TMPRSS15: variants seen among roughly 807,000 people sequenced by gnomAD.
The protein encoded by TMPRSS15 is transmembrane serine protease 15.
A neutral mutation model predicts 125.3 loss-of-function variants in TMPRSS15; 128 were observed. That is an observed-to-expected ratio of 1.02 (90% CI 0.89 to 1.18). The LOEUF is 1.18. Ranked by LOEUF, TMPRSS15 falls within the 50% of genes most tolerant of loss-of-function variation. The pLI is 0.00. For missense variants in TMPRSS15, 1,283 were observed against 1,212.7 expected (o/e 1.06, Z -0.86); for synonymous variants, 446 against 423.2 (o/e 1.05, Z -0.66).
intron 7 of TMPRSS15, among the ~76,000 whole-genome samples, chr21:18,362,467 T>C (rs893252244): frequency 1.3e-5 from 2 of 152,066 alleles, no homozygotes; most frequent in Non-Finnish European, 2.9e-5. Context: ...TATTTGGAGG[T>C]AGAAGAGACA....
In TMPRSS15 at chr21:18,387,612, T is replaced by TACACAC. The variant is rs57708622; in HGVS notation, c.345-3840_345-3835dup. On this transcript the variant is annotated intron_variant, in intron 3 of 24. Transcript: ENST00000284885. ...AAGAGTAGCTACACACACACACACA[T>TACACAC]ACACACACACACACACACACACACA... is the stretch of plus-strand genomic sequence containing the variant. 2.4e-4 allele frequency among the ~76,000 whole-genome samples: 35 copies of TACACAC among 145,242 alleles called. 1 individual carries two copies. The highest frequency in any genetic ancestry group is 4.8e-4 in the African/African-American group (19 of 39,690).
At chr21:18,391,745 C>T (rs2075992705) in intron 3 of TMPRSS15, among the ~76,000 whole-genome samples, 1 of 152,222 alleles carries the variant, frequency 6.6e-6, no homozygotes, top group Admixed American at 6.5e-5. Context: ...GCTCTAGCCA[C>T]ACATTTTCCT....
At chr21:18,316,503 A>G (rs1013832052) in intron 16 of TMPRSS15, among the ~76,000 whole-genome samples, 5 of 114,602 alleles carry the variant, frequency 4.4e-5, no homozygotes, top group African/African-American at 1.7e-4. Context: ...GGGTAGTTAC[A>G]AAGAAATGGA....
At chr21:18,423,730 C>T (rs575668331) in intron 1 of TMPRSS15, among the ~76,000 whole-genome samples, 37 of 152,112 alleles carry the variant, frequency 2.4e-4, no homozygotes, top group African/African-American at 8.9e-4. Context: ...ATAAATTCCT[C>T]ATTTGTATTG....
At chr21:18,350,073 CTT>C (rs561689165) in intron 10 of TMPRSS15, among the ~76,000 whole-genome samples, 29 of 151,542 alleles carry the variant, frequency 1.9e-4, no homozygotes, top group African/African-American at 6.6e-4. Context: ...GTGGTAGAAA[CTT>C]TTTTTTAATT....
intron 1 of TMPRSS15, among the ~76,000 whole-genome samples, chr21:18,429,006 G>A (rs1024010164): frequency 6.6e-6 from 1 of 152,168 alleles, no homozygotes; most frequent in African/African-American, 2.4e-5. Context: ...AAAGCCACAG[G>A]ACAGAGCTGC....
chr21:18,322,777 T>A lies in TMPRSS15; in HGVS notation c.1921+3655A>T, dbSNP rs139038709. Among the ~76,000 whole-genome samples, 9 of 151,892 alleles carry A rather than the reference T, an allele frequency of 5.9e-5. No homozygotes were observed. The East Asian group carries it at 1.7e-3, about 29-fold the overall frequency. On this transcript the variant is annotated intron_variant, in intron 16 of 24. Coordinates refer to ENST00000284885, the MANE Select transcript of TMPRSS15 (RefSeq NM_002772.3). Reference sequence around the variant, plus strand: ...GGTTTCAATGGGTACCAAAATAGAGTTACATAGAAGGAATAAGATCTAGTG... The same window carrying A: ...GGTTTCAATGGGTACCAAAATAGAGATACATAGAAGGAATAAGATCTAGTG...
intron 19 of TMPRSS15, among the ~76,000 whole-genome samples, chr21:18,297,068 A>T (rs1264692884): frequency 1.3e-5 from 2 of 152,216 alleles, no homozygotes; most frequent in Non-Finnish European, 2.9e-5. Context: ...CTTTAATGGA[A>T]CTGTAAAATT....
chr21:18,353,129 T>C, intron 9 of TMPRSS15, 77 bp from the exon 10 acceptor site: 6 of 1,291,282 alleles, frequency 4.6e-6, no homozygotes, highest in Non-Finnish European at 6.7e-6. Context: ...GTATTGAAAA[T>C]AATCTAACCT....
intron 1 of TMPRSS15, among the ~76,000 whole-genome samples, chr21:18,400,563 C>A (rs1365710577): frequency 6.6e-6 from 1 of 152,062 alleles, no homozygotes; most frequent in Non-Finnish European, 1.5e-5. Flanking sequence ...TACCTTTCAC[C>A]ATATACAAAA....
intron 21 of TMPRSS15, among the ~76,000 whole-genome samples, chr21:18,281,942 A>G (rs2074703850): frequency 6.6e-6 from 1 of 151,760 alleles, no homozygotes; most frequent in African/African-American, 2.4e-5. Context: ...CTAAAAATAC[A>G]AAAAATCAGC....
At position 18,469,719 on chromosome 21, in the gene TMPRSS15, T is replaced by G. The variant is rs560951719; in HGVS notation, c.10+16080A>C. Among the ~76,000 whole-genome samples the G allele has an allele frequency of 2.6e-5, 4 of 152,234 alleles. No homozygotes were observed. The South Asian group carries it at 8.3e-4, about 32-fold the overall frequency. ...TTATTTTGGGGATCCTCCTGTAAACTGATTTGTAATTTTGTGGGGAAGACA... is the reference window on the plus strand; with the variant it reads ...TTATTTTGGGGATCCTCCTGTAAACGGATTTGTAATTTTGTGGGGAAGACA... On this transcript the variant is annotated intron_variant, in intron 1 of 7. Coordinates refer to the TMPRSS15 transcript ENST00000422787.
chr21:18,338,976 C>G (rs2075421032), intron 13 of TMPRSS15, among the ~76,000 whole-genome samples: 1 of 152,108 alleles, frequency 6.6e-6, no homozygotes, highest in Non-Finnish European at 1.5e-5. Flanking sequence ...CTGCACGCTT[C>G]CTTAAAGCCT....
intron 6 of TMPRSS15, 83 bp from the exon 7 acceptor site, chr21:18,365,331 G>C (rs1271735589): frequency 1.9e-6 from 2 of 1,038,900 alleles, no homozygotes; most frequent in Non-Finnish European, 3.0e-6. Context: ...GAATATTCAT[G>C]GCAAAACCTG....
chr21:18,365,329 A>G, intron 6 of TMPRSS15, 81 bp from the exon 7 acceptor site: 1 of 1,087,022 alleles, frequency 9.2e-7, no homozygotes, highest in South Asian at 1.3e-5. Flanking sequence ...CAGAATATTC[A>G]TGGCAAAACC....
chr21:18,313,335 A>ATCTC (rs59702784), intron 17 of TMPRSS15, among the ~76,000 whole-genome samples: 3,084 of 150,124 alleles, frequency 0.021, 51 homozygotes, highest in African/African-American at 0.043. Context: ...TCATTCCTCA[A>ATCTC]TCTCTCTCTC....
intron 8 of TMPRSS15, among the ~76,000 whole-genome samples, chr21:18,356,315 A>G (rs564719430): frequency 2.0e-5 from 3 of 151,872 alleles, no homozygotes; most frequent in African/African-American, 4.8e-5. Flanking sequence ...ATATTATCCA[A>G]TTTATAAGAG....
rs1187783068 is a variant in TMPRSS15 at position 18,413,306 on chromosome 21, C to CTT, written c.11-14979_11-14978dup. ...TTTCTTTCTTTCTTTTCTTTCTTTTCTTTCTTTTCCTTCCTTCCTTCCTTC... is the reference window on the plus strand; with the variant it reads ...TTTCTTTCTTTCTTTTCTTTCTTTTCTTTTTCTTTTCCTTCCTTCCTTCCTTC... On this transcript the variant is annotated intron_variant, in intron 1 of 7. Coordinates refer to the TMPRSS15 transcript ENST00000422787. Among the ~76,000 whole-genome samples, 87 of 70,874 alleles carry CTT rather than the reference C, an allele frequency of 1.2e-3. 1 individual carries two copies. In the Admixed American group the frequency reaches 0.015, roughly 12 times the overall value. The allele number at this position is 70,874 out of a possible 152,430, so 46.5% of individuals were successfully genotyped here.
chr21:18,420,328 CCTT>C (rs1178921165), intron 1 of TMPRSS15, among the ~76,000 whole-genome samples: 3 of 152,130 alleles, frequency 2.0e-5, no homozygotes, highest in Non-Finnish European at 4.4e-5. Context: ...GCTGAAATCT[CCTT>C]CTTTTTATTA....
Sources: gnomAD v4.1 joint callset for allele counts (sites outside exome capture counted in the v4.1 genomes callset) on GRCh38, gnomAD v4.1.1 for gene constraint, MANE v1.5 for transcripts, NCBI Gene and HGNC (gene_info 2026-07-23, HGNC 2026-07-21) for gene names.